APOL1: variants seen among roughly 807,000 people sequenced by gnomAD.
APOL1 encodes the protein apolipoprotein L 1.
APOL1 carries 17 observed loss-of-function variants against 14.9 expected under a neutral mutation model. The ratio of observed to expected loss-of-function variants is 1.14; its 90% CI spans 0.78 to 1.71. The LOEUF (loss-of-function observed/expected upper bound fraction) is 1.71, where lower values mean the gene tolerates loss of function less well. Among genes scored for constraint, APOL1 ranks in the 40% most tolerant of loss-of-function variants. The probability of loss-of-function intolerance (pLI) is 0.00; values close to 1 mark genes in which losing one functional copy is unlikely to be tolerated. For synonymous variants in APOL1, 195 were observed against 184.8 expected, an observed-to-expected ratio of 1.05 and a Z score of -0.45; for missense variants, 523 against 485.9, an observed-to-expected ratio of 1.08 and a Z score of -0.72.
rs1250098731 is a variant in APOL1 at position 36,266,183 on chromosome 22, C to G, written c.*150C>G. 3.6e-6 allele frequency: 3 copies of G among 844,628 alleles called. No individual in the cohort carries two copies. Among genetic ancestry groups the G allele is most frequent in the South Asian group, 4.2e-5 (2 of 47,840 alleles). 52.3% of individuals were successfully genotyped at this position (844,628 alleles called of 1,614,324 possible). ...TCAGCTCACTGCAAGCTCTGCCTCCCGTGTTCAAGCGATTCTCCTGCCTTG... is the reference window on the plus strand; with the variant it reads ...TCAGCTCACTGCAAGCTCTGCCTCCGGTGTTCAAGCGATTCTCCTGCCTTG... On this transcript the variant is annotated 3_prime_UTR_variant, in exon 6 of 6. Transcript: ENST00000397278.
At position 36,257,335 on chromosome 22, in the gene APOL1, C is replaced by G; in HGVS notation, c.115C>G (p.Pro39Ala). The G allele has an allele frequency of 6.2e-7, 1 of 1,614,160 alleles. No homozygotes were observed. The highest frequency in any genetic ancestry group is 8.5e-7 in the Non-Finnish European group (1 of 1,180,002). Residue 39 changes from proline to alanine, a missense_variant, in exon 4 of 6, where the codon CCA (proline) becomes GCA (alanine). Physicochemically the swap from Pro to Ala is conservative, Grantham distance 27. Transcript: ENST00000397278. ...EAGARVQQNV[P>A]SGTDTGDPQS... The stretch of plus-strand genomic sequence containing the variant: ...CTCCTCAAGGGTGCAACAAAACGTT[C>G]CAAGTGGGACAGATACTGGAGATCC...
Position 36,257,028 on chromosome 22 carries a change from G to A in APOL1, c.45-55G>A, listed in dbSNP as rs959991371. Reference sequence around the variant, plus strand: ...TCTGTGTATAGACTCTGTAGTTTCTGTAATGATCAGATGGCTGCCCGTCCT... The same window carrying A: ...TCTGTGTATAGACTCTGTAGTTTCTATAATGATCAGATGGCTGCCCGTCCT... On this transcript the variant is annotated intron_variant, in intron 2 of 5. Transcript: ENST00000397278. The A allele has an allele frequency of 1.6e-5, 25 of 1,590,966 alleles. No homozygotes were observed. In the African/African-American group the frequency reaches 2.7e-4, roughly 17 times the overall value.
Position 36,261,834 on chromosome 22 carries a change from G to C in APOL1, c.314+112G>C, listed in dbSNP as rs757979938. 4.0e-5 allele frequency: 53 copies of C among 1,333,656 alleles called. No individual in the cohort carries two copies. The South Asian group carries it at 4.2e-4, about 11-fold the overall frequency. 82.6% of individuals were successfully genotyped at this position (1,333,656 alleles called of 1,614,324 possible). On this transcript the variant is annotated intron_variant, in intron 5 of 5. Coordinates refer to ENST00000397278, the MANE Select transcript of APOL1 (RefSeq NM_003661.4). ...TCCTCCAGGCAGCCCCCTCTGCTGG[G>C]CTTGAGGATGACCTTCTTGGCACTC... is the stretch of plus-strand genomic sequence containing the variant.
At position 36,263,608 on chromosome 22, in the gene APOL1, T is replaced by A. The variant is rs147468503; in HGVS notation, c.315-1543T>A. ...GGGTTTTAAGTGTGAAGCTTCATTG[T>A]CCTCAGGACGCTGTGTTCTCCTGTG... is the stretch of plus-strand genomic sequence containing the variant. On this transcript the variant is annotated intron_variant, in intron 5 of 5. Transcript: ENST00000397278. Among the ~76,000 whole-genome samples the A allele has an allele frequency of 2.7e-3, 404 of 152,380 alleles. 2 individuals are homozygous for A. The highest frequency in any genetic ancestry group is 9.4e-3 in the African/African-American group (392 of 41,592).
chr22:36,255,145 G>A (rs1006907318), intron 2 of APOL1, 146 bp downstream of exon 2: 16 of 1,019,794 alleles, frequency 1.6e-5, no homozygotes, highest in Middle Eastern at 2.0e-4. Context: ...CGGCAGACTC[G>A]CCCAGGGAGG....
chr22:36,262,214 T>A (rs1453515914), intron 5 of APOL1, among the ~76,000 whole-genome samples: 7 of 152,154 alleles, frequency 4.6e-5, no homozygotes, highest in Admixed American at 2.6e-4. Context: ...CTAACCAATG[T>A]GTGTTCCTGG....
Position 36,265,467 on chromosome 22 carries a change from G to A in APOL1, c.631G>A (p.Gly211Arg). 6.2e-7 allele frequency: 1 copy of A among 1,614,116 alleles called. No homozygotes were observed. Among genetic ancestry groups the A allele is most frequent in the Non-Finnish European group, 8.5e-7 (1 of 1,180,026 alleles). The change falls in exon 6 of 6, where the codon GGG becomes AGG. Residue 211 changes from glycine (G) to arginine (R), a missense_variant. Gly to Arg is a moderately radical substitution (Grantham distance 125). Transcript: ENST00000397278. ...EGGSLVLLEP[G>R]MELGITAALT... The stretch of plus-strand genomic sequence containing the variant: ...AGGCAGCCTTGTACTCTTGGAACCT[G>A]GGATGGAGTTGGGAATCACAGCCGC...
At position 36,265,105 on chromosome 22, in the gene APOL1, C is replaced by T. The variant is rs111589075; in HGVS notation, c.315-46C>T. On this transcript the variant is annotated intron_variant, in intron 5 of 5. Coordinates refer to ENST00000397278, the MANE Select transcript of APOL1 (RefSeq NM_003661.4). ...GGATTACAGGTGTGAGCCACCACAC[C>T]GAGCCAAAACTGCATTTCTTAATCC... The T allele has an allele frequency of 2.3e-5, 37 of 1,606,500 alleles. No individual in the cohort carries two copies. The African/African-American group carries it at 2.7e-4, about 12-fold the overall frequency.
Position 36,257,414 on chromosome 22 carries a change from T to A in APOL1, c.187+7T>A. On this transcript the variant is annotated splice_region_variant and intron_variant, in intron 4 of 5. Transcript: ENST00000397278. ...GCTGGCACCATGGACCCAGGTAGGC[T>A]CACCTCCTCTTCCCTGCTGGTTCCT... 1 of 1,612,142 alleles carries A rather than the reference T, an allele frequency of 6.2e-7. No homozygotes were observed. The highest frequency in any genetic ancestry group is 8.5e-7 in the Non-Finnish European group (1 of 1,178,182).
Position 36,254,060 on chromosome 22 carries a change from T to C in APOL1, c.-20+841T>C, listed in dbSNP as rs182609191. On this transcript the variant is annotated intron_variant, in intron 1 of 5. Coordinates refer to ENST00000397278, the MANE Select transcript of APOL1 (RefSeq NM_003661.4). ...TAGAAGGAGAATCAAACCTGGAAACTTTTGGATTATTAAAATCAAACATTT... is the reference window on the plus strand; with the variant it reads ...TAGAAGGAGAATCAAACCTGGAAACCTTTGGATTATTAAAATCAAACATTT... 9.5e-3 allele frequency: 14,981 copies of C among 1,582,404 alleles called. 84 individuals are homozygous for C. Among genetic ancestry groups the C allele is most frequent in the Non-Finnish European group, 0.011 (13,052 of 1,153,588 alleles).
rs1314852886 is a variant in APOL1, at chr22:36,265,689, G to GC, written c.856dup (p.Leu286ProfsTer23). ...ACGAGGCATTGGGAAGGACATCCGT[G>GC]CCCTCAGACGAGCCAGAGCCAATCT... is the stretch of plus-strand genomic sequence containing the variant. On this transcript the variant is annotated frameshift_variant, in exon 6 of 6. Transcript: ENST00000397278. LOFTEE classifies it low-confidence loss of function (END_TRUNC). 8 of 1,608,322 alleles carry GC rather than the reference G, an allele frequency of 5.0e-6. No individual in the cohort carries two copies. The highest frequency in any genetic ancestry group is 6.8e-6 in the Non-Finnish European group (8 of 1,176,606).
chr22:36,266,103 T>G lies in APOL1; in HGVS notation c.*70T>G. ...CCAGGACAAAATGCAAACTTTTTTT[T>G]TTTTCTGAGACAGAGTCTTGCTCTG... On this transcript the variant is annotated 3_prime_UTR_variant, in exon 6 of 6. Coordinates refer to ENST00000397278, the MANE Select transcript of APOL1 (RefSeq NM_003661.4). 1 of 1,500,010 alleles carries G rather than the reference T, an allele frequency of 6.7e-7. No individual in the cohort carries two copies. The highest frequency in any genetic ancestry group is 2.3e-5 in the Admixed American group (1 of 43,912). 92.9% of individuals were successfully genotyped at this position (1,500,010 alleles called of 1,614,324 possible).
chr22:36,254,807 G>A (rs574025975), intron 1 of APOL1, 130 bp from the exon 2 acceptor site: 21 of 1,182,816 alleles, frequency 1.8e-5, no homozygotes, highest in East Asian at 2.6e-5. Context: ...AGCTTGTAGC[G>A]AGCCTAGATC....
Position 36,259,698 on chromosome 22 carries a change from GAGCCGTGTACCCTGAGACC to G in APOL1, c.188-1893_188-1875del, listed in dbSNP as rs571031787. 134 of 1,303,816 alleles carry G rather than the reference GAGCCGTGTACCCTGAGACC, an allele frequency of 1.0e-4. No individual in the cohort carries two copies. In the African/African-American group the frequency reaches 1.8e-3, roughly 18 times the overall value. 80.8% of individuals were successfully genotyped at this position (1,303,816 alleles called of 1,614,324 possible). On this transcript the variant is annotated intron_variant, in intron 4 of 5. Coordinates refer to ENST00000397278, the MANE Select transcript of APOL1 (RefSeq NM_003661.4). ...AGCTGGGTCCAGAGGTGACAGTGGA[GAGCCGTGTACCCTGAGACC>G]AGCCTGCAGAGGACAGAGGCAACAT...
At chr22:36,254,884 T>A (rs2015810358) in intron 1 of APOL1, 53 bp from the exon 2 acceptor site, 1 of 1,604,830 alleles carries the variant, frequency 6.2e-7, no homozygotes. Flanking sequence ...GAAATGAAAA[T>A]GGTGATTTCT....
chr22:36,257,376 C>T lies in APOL1; in HGVS notation c.156C>T (p.Leu52=), dbSNP rs370479891. ...CTGGAGATCCTCAAAGTAAGCCCCT[C>T]GGTGACTGGGCTGCTGGCACCATGG... ...TDTGDPQSKP[L]GDWAAGTMDP... Residue 52 remains leucine, a synonymous_variant, in exon 4 of 6, where the codon CTC becomes CTT. Coordinates refer to ENST00000397278, the MANE Select transcript of APOL1 (RefSeq NM_003661.4). 18 of 1,614,026 alleles carry T rather than the reference C, an allele frequency of 1.1e-5. No homozygotes were observed. Among genetic ancestry groups the T allele is most frequent in the Admixed American group, 5.0e-5 (3 of 60,000 alleles).
chr22:36,255,079 C>T, intron 2 of APOL1, 80 bp downstream of exon 2: 1 of 1,499,768 alleles, frequency 6.7e-7, no homozygotes, highest in Non-Finnish European at 9.3e-7. Context: ...TTGGGCTGGG[C>T]CAGGGCCATC....
At position 36,265,346 on chromosome 22, in the gene APOL1, A is replaced by T. The variant is rs149947719; in HGVS notation, c.510A>T (p.Lys170Asn). The change falls in exon 6 of 6, where the codon AAA becomes AAT. Residue 170 changes from lysine (K) to asparagine (N), a missense_variant. Transcript: ENST00000397278. ...CAGATGGGGTTCAGAAGGTCCACAA[A>T]GGCACCACCATCGCCAATGTGGTGT... ...ALADGVQKVHKGTTIANVVSG... is the reference protein window; with the variant it reads ...ALADGVQKVHNGTTIANVVSG... 1 of 1,611,736 alleles carries T rather than the reference A, an allele frequency of 6.2e-7. No individual in the cohort carries two copies. The highest frequency in any genetic ancestry group is 1.3e-5 in the African/African-American group (1 of 74,948).
chr22:36,253,138 A>G lies in APOL1; in HGVS notation c.-101A>G, dbSNP rs1476208512. 17 of 484,436 alleles carry G rather than the reference A, an allele frequency of 3.5e-5. No homozygotes were observed. The highest frequency in any genetic ancestry group is 1.5e-4 in the South Asian group (10 of 65,918). 30.0% of individuals were successfully genotyped at this position (484,436 alleles called of 1,614,324 possible). On this transcript the variant is annotated 5_prime_UTR_variant, in exon 1 of 6. In the 5' UTR this introduces an upstream ATG that the reference lacks. Transcript: ENST00000397278. The stretch of plus-strand genomic sequence containing the variant: ...ACTGGAGGACCTGTCTGGTTATTAT[A>G]CAGACGCATAACTGGAGGTGGGATC...
Sources: allele counts gnomAD v4.1 joint callset (sites outside exome capture counted in the v4.1 genomes callset), GRCh38; gene constraint gnomAD v4.1.1; transcripts MANE v1.5; gene names NCBI Gene and HGNC (gene_info 2026-07-23, HGNC 2026-07-21).